PRKAR1B: variants seen among roughly 807,000 people sequenced by gnomAD.
PRKAR1B encodes the protein cAMP-dependent protein kinase type I-beta regulatory subunit.
In PRKAR1B, 22 loss-of-function variants were observed where a neutral mutation model predicts 46.5. That is an observed-to-expected ratio of 0.47 (90% CI 0.34 to 0.68). The LOEUF (loss-of-function observed/expected upper bound fraction) is 0.68, where lower values mean the gene tolerates loss of function less well. Ranked by LOEUF, PRKAR1B falls within the 30% of genes least tolerant of loss-of-function variation. The pLI is 0.01. For synonymous variants in PRKAR1B, 259 were observed against 217.7 expected (o/e 1.19, Z -1.67); for missense variants, 445 against 535.6 (o/e 0.83, Z 1.67).
chr7:589,289 C>A (rs1031422399), intron 7 of PRKAR1B, among the ~76,000 whole-genome samples: 2 of 151,870 alleles, frequency 1.3e-5, no homozygotes, highest in South Asian at 4.2e-4. Context: ...CACCGCTCCA[C>A]GGGTGCCATG....
chr7:727,349 C>A, upstream of PRKAR1B: 1 of 1,161,190 alleles, frequency 8.6e-7, no homozygotes, highest in African/African-American at 1.6e-5. Context: ...CACACGCCAC[C>A]CCACACTCTC....
At position 714,149 on chromosome 7, in the gene PRKAR1B, C is replaced by G. The variant is rs1057295395; in HGVS notation, c.-22-2622G>C. 6.6e-6 allele frequency among the ~76,000 whole-genome samples: 1 copy of G among 152,150 alleles called. No homozygotes were observed. The highest frequency in any genetic ancestry group is 1.5e-5 in the Non-Finnish European group (1 of 68,016). ...AGACTGGTGAGGACAGCAAAAAAGACCCAGGTGCCACCTAACCAAGGCGAC... is the reference window on the plus strand; with the variant it reads ...AGACTGGTGAGGACAGCAAAAAAGAGCCAGGTGCCACCTAACCAAGGCGAC... On this transcript the variant is annotated intron_variant, in intron 1 of 10. Transcript: ENST00000537384. This position sits in a 1 kb window ranked among gnomAD's most constrained non-coding sequence, Gnocchi z 4.3.
At position 678,815 on chromosome 7, in the gene PRKAR1B, G is replaced by C. The variant is rs569545073; in HGVS notation, c.349-1495C>G. Among the ~76,000 whole-genome samples, 5 of 152,358 alleles carry C rather than the reference G, an allele frequency of 3.3e-5. No homozygotes were observed. In the East Asian group the frequency reaches 9.6e-4, roughly 29 times the overall value. On this transcript the variant is annotated intron_variant, in intron 3 of 10. Transcript: ENST00000537384. ...AAAATGTAAGTGTTGGATGGGCGTG[G>C]TGGCTCACACCTGTAATCCCAGCAC...
At chr7:628,288 T>C (rs2128477264) in intron 4 of PRKAR1B, among the ~76,000 whole-genome samples, 1 of 152,164 alleles carries the variant, frequency 6.6e-6, no homozygotes, top group East Asian at 1.9e-4. Flanking sequence ...CATCAGAACC[T>C]CTCTGTGCCG....
chr7:632,758 C>G (rs1334315444), intron 4 of PRKAR1B, among the ~76,000 whole-genome samples: 3 of 152,228 alleles, frequency 2.0e-5, no homozygotes, highest in Non-Finnish European at 4.4e-5. Flanking sequence ...CCGGCACTGC[C>G]AGCCACACGT....
intron 4 of PRKAR1B, among the ~76,000 whole-genome samples, chr7:614,862 A>G (rs567122655): frequency 1.2e-3 from 177 of 152,250 alleles, no homozygotes; most frequent in African/African-American, 3.9e-3. Context: ...CCATGAGCTG[A>G]GATCGCACCA....
chr7:696,416 C>T (rs770637499), intron 2 of PRKAR1B, among the ~76,000 whole-genome samples: 4 of 152,128 alleles, frequency 2.6e-5, no homozygotes, highest in Non-Finnish European at 4.4e-5. Context: ...GGATTACAGA[C>T]ATCAGCCACC....
chr7:613,811 A>G (rs1433917513), intron 4 of PRKAR1B, among the ~76,000 whole-genome samples: 1 of 152,242 alleles, frequency 6.6e-6, no homozygotes, highest in African/African-American at 2.4e-5. Context: ...AGACAAGCGC[A>G]GGTTGGGACT....
At chr7:580,262 C>A (rs9801108) in intron 8 of PRKAR1B, among the ~76,000 whole-genome samples, 7 of 147,930 alleles carry the variant, frequency 4.7e-5, no homozygotes, top group African/African-American at 1.2e-4. Flanking sequence ...AAGAAAAAAA[C>A]AGAAAAACTG....
intron 4 of PRKAR1B, among the ~76,000 whole-genome samples, chr7:631,424 T>G (rs1783732253): frequency 6.6e-6 from 1 of 152,026 alleles, no homozygotes; most frequent in East Asian, 1.9e-4. Flanking sequence ...GCACCTAACC[T>G]GGGATGACTC....
chr7:705,138 A>G (rs112174986), intron 2 of PRKAR1B, among the ~76,000 whole-genome samples: 19,163 of 151,878 alleles, frequency 0.13, 1,299 homozygotes, highest in South Asian at 0.21. Context: ...CTAAAAATAC[A>G]AAAACTAGCT....
intron 6 of PRKAR1B, among the ~76,000 whole-genome samples, chr7:603,573 G>T (rs533177602): frequency 6.7e-6 from 1 of 149,762 alleles, no homozygotes; most frequent in African/African-American, 2.5e-5. Context: ...GAAGGAGACG[G>T]CAGGGGAGGA....
At chr7:613,026 G>A (rs559325250) in intron 4 of PRKAR1B, among the ~76,000 whole-genome samples, 19 of 152,164 alleles carry the variant, frequency 1.2e-4, no homozygotes, top group Non-Finnish European at 2.1e-4. Context: ...ACACCGTGTG[G>A]TCATTAAAAA....
At chr7:646,146 A>G (rs1003819242) in intron 4 of PRKAR1B, among the ~76,000 whole-genome samples, 1 of 152,120 alleles carries the variant, frequency 6.6e-6, no homozygotes, top group African/African-American at 2.4e-5. Flanking sequence ...CCTGGGCTCA[A>G]GCAATCCTCC....
At chr7:605,797 A>G (rs1302958728) in intron 6 of PRKAR1B, among the ~76,000 whole-genome samples, 5 of 152,190 alleles carry the variant, frequency 3.3e-5, no homozygotes, top group Non-Finnish European at 7.3e-5. Flanking sequence ...GTCTCTAAGC[A>G]CGTCGCTCTC....
chr7:726,866 C>A, intron 1 of PRKAR1B: 1 of 1,319,650 alleles, frequency 7.6e-7, no homozygotes. Context: ...CGGCGGCGCG[C>A]CTTGGAGGCC....
chr7:678,017 T>C (rs1778431993), intron 3 of PRKAR1B, among the ~76,000 whole-genome samples: 1 of 151,438 alleles, frequency 6.6e-6, no homozygotes, highest in South Asian at 2.1e-4. Flanking sequence ...ACGCCTGTAA[T>C]CCCAGCACTT....
At chr7:669,457 TA>T (rs1786102460) in intron 4 of PRKAR1B, among the ~76,000 whole-genome samples, 3 of 152,064 alleles carry the variant, frequency 2.0e-5, no homozygotes, top group African/African-American at 7.2e-5. Context: ...GCCACTGAAT[TA>T]AACACTTAAA....
chr7:637,179 CG>C (rs1784157424), intron 4 of PRKAR1B, among the ~76,000 whole-genome samples: 3 of 152,066 alleles, frequency 2.0e-5, no homozygotes, highest in African/African-American at 7.2e-5. Context: ...CCCGGCTCCT[CG>C]GGAGGCTGAG....
Sources: gnomAD v4.1 joint callset for allele counts (sites outside exome capture counted in the v4.1 genomes callset) on GRCh38, gnomAD v4.1.1 for gene constraint, Gnocchi (gnomAD v3.1) non-coding constraint, MANE v1.5 for transcripts, NCBI Gene and HGNC (gene_info 2026-07-23, HGNC 2026-07-21) for gene names.